The following TBC1D22A variants were observed in gnomAD, a reference collection of about 807,000 sequenced individuals.
TBC1D22A encodes TBC1 domain family member 22A.
TBC1D22A carries 38 observed loss-of-function variants against 60.2 expected under a neutral mutation model. That is an observed-to-expected ratio of 0.63 (90% CI 0.49 to 0.83). The LOEUF (loss-of-function observed/expected upper bound fraction) is 0.83, where lower values mean the gene tolerates loss of function less well. Among genes scored for constraint, TBC1D22A ranks in the 40% least tolerant of loss-of-function variants. The pLI, the probability that TBC1D22A is intolerant of heterozygous loss-of-function variation, is 0.00. For synonymous variants in TBC1D22A, 302 were observed against 281.7 expected, an observed-to-expected ratio of 1.07 and a Z score of -0.72; for missense variants, 628 against 701.0, an observed-to-expected ratio of 0.90 and a Z score of 1.18.
At chr22:46,812,344 C>G (rs1018805110) in intron 4 of TBC1D22A, among the ~76,000 whole-genome samples, 1 of 152,200 alleles carries the variant, frequency 6.6e-6, no homozygotes, top group African/African-American at 2.4e-5. Flanking sequence ...GTGGGCACAG[C>G]AGGCACAAGG....
intron 1 of TBC1D22A, among the ~76,000 whole-genome samples, chr22:46,779,144 T>C (rs1281565096): frequency 2.0e-5 from 3 of 152,268 alleles, no homozygotes; most frequent in African/African-American, 7.2e-5. Flanking sequence ...CAGTACATAA[T>C]GTATGTGCTA....
At chr22:46,798,471 C>T (rs1601908822) in intron 4 of TBC1D22A, among the ~76,000 whole-genome samples, 1 of 152,262 alleles carries the variant, frequency 6.6e-6, no homozygotes, top group African/African-American at 2.4e-5. Context: ...ACTCTTCCTG[C>T]GCGAGTTGCT....
chr22:46,996,088 G>A (rs1269550678), intron 9 of TBC1D22A, among the ~76,000 whole-genome samples: 2 of 152,206 alleles, frequency 1.3e-5, no homozygotes, highest in Non-Finnish European at 2.9e-5. Flanking sequence ...CCCCTCAGGC[G>A]CACAGGCAGC....
chr22:46,788,536 T>C (rs1036448869), intron 1 of TBC1D22A, among the ~76,000 whole-genome samples: 13 of 152,182 alleles, frequency 8.5e-5, no homozygotes, highest in African/African-American at 3.1e-4. Flanking sequence ...TCTGTGTGTT[T>C]CATTCCTTTG....
At chr22:47,087,939 G>A (rs1353341690) in intron 11 of TBC1D22A, among the ~76,000 whole-genome samples, 2 of 152,094 alleles carry the variant, frequency 1.3e-5, no homozygotes, top group African/African-American at 4.8e-5. Flanking sequence ...CAGGCGTGGT[G>A]GCGGGCGCCT....
At chr22:46,952,071 G>C (rs1217427520) in intron 8 of TBC1D22A, among the ~76,000 whole-genome samples, 1 of 152,232 alleles carries the variant, frequency 6.6e-6, no homozygotes, top group African/African-American at 2.4e-5. Context: ...GTCCACAGGG[G>C]GACAGATTGT....
At chr22:46,876,754 T>A (rs1307895694) in intron 4 of TBC1D22A, among the ~76,000 whole-genome samples, 1 of 152,216 alleles carries the variant, frequency 6.6e-6, no homozygotes, top group African/African-American at 2.4e-5. Flanking sequence ...TCTGCGGGGC[T>A]CCAACTAGGC....
chr22:46,975,867 T>C (rs190635735), intron 9 of TBC1D22A, among the ~76,000 whole-genome samples: 6 of 152,210 alleles, frequency 3.9e-5, no homozygotes, highest in African/African-American at 1.4e-4. Flanking sequence ...AAGCCTGTTG[T>C]GCGGTTGGAG....
chr22:46,838,786 A>T, intron 4 of TBC1D22A, among the ~76,000 whole-genome samples: 1 of 152,228 alleles, frequency 6.6e-6, no homozygotes, highest in Non-Finnish European at 1.5e-5. Context: ...GTATCACATT[A>T]ATAGAATGAA....
At chr22:46,784,281 T>G (rs185543785) in intron 1 of TBC1D22A, among the ~76,000 whole-genome samples, 1 of 152,248 alleles carries the variant, frequency 6.6e-6, no homozygotes, top group Admixed American at 6.5e-5. Context: ...TGGTCTCAAG[T>G]GATCCGCCTG....
chr22:47,108,830 G>A (rs910556733), intron 11 of TBC1D22A, among the ~76,000 whole-genome samples: 2 of 152,142 alleles, frequency 1.3e-5, no homozygotes, highest in African/African-American at 4.8e-5. Context: ...CGAGTAGCTG[G>A]GACTACAGGC....
At chr22:47,135,245 C>T (rs1163644487) in intron 12 of TBC1D22A, among the ~76,000 whole-genome samples, 1 of 152,230 alleles carries the variant, frequency 6.6e-6, no homozygotes, top group Non-Finnish European at 1.5e-5. Flanking sequence ...TTCCCGTCAT[C>T]CCAGTTAATC....
chr22:47,169,762 A>G (rs928629092), intron 12 of TBC1D22A, among the ~76,000 whole-genome samples: 1 of 152,230 alleles, frequency 6.6e-6, no homozygotes, highest in Non-Finnish European at 1.5e-5. Flanking sequence ...CTACAGCATC[A>G]GTGTGATGAG....
intron 9 of TBC1D22A, among the ~76,000 whole-genome samples, chr22:46,981,818 A>G (rs2074523212): frequency 6.6e-6 from 1 of 152,236 alleles, no homozygotes; most frequent in Non-Finnish European, 1.5e-5. Context: ...GATCGAGCAG[A>G]TAAGAATTAG....
chr22:46,906,557 C>T (rs1308894876), intron 7 of TBC1D22A, among the ~76,000 whole-genome samples: 1 of 152,194 alleles, frequency 6.6e-6, no homozygotes, highest in Non-Finnish European at 1.5e-5. Flanking sequence ...GAGCACTCAC[C>T]ATGGGTTTCA....
intron 8 of TBC1D22A, among the ~76,000 whole-genome samples, chr22:46,932,108 G>A (rs1338076521): frequency 6.6e-6 from 1 of 152,226 alleles, no homozygotes; most frequent in Non-Finnish European, 1.5e-5. Flanking sequence ...TGTAAGTCCT[G>A]TGCTAGTCAG....
At chr22:46,945,708 C>T (rs1270848778) in intron 8 of TBC1D22A, among the ~76,000 whole-genome samples, 1 of 152,202 alleles carries the variant, frequency 6.6e-6, no homozygotes, top group Non-Finnish European at 1.5e-5. Context: ...AGGGTTCCCC[C>T]CTGGTTACCC....
At chr22:47,135,371 G>C (rs979052069) in intron 12 of TBC1D22A, among the ~76,000 whole-genome samples, 1 of 152,238 alleles carries the variant, frequency 6.6e-6, no homozygotes, top group Admixed American at 6.5e-5. Flanking sequence ...TGGGCATGGA[G>C]GTCCCAGGCA....
chr22:46,912,298 A>T (rs929591536), intron 8 of TBC1D22A, 110 bp downstream of exon 8: 1 of 727,750 alleles, frequency 1.4e-6, no homozygotes, highest in Non-Finnish European at 2.2e-6. Flanking sequence ...GTTATTAATG[A>T]TAGGTAATAT....
Sources: gnomAD v4.1 joint callset for allele counts (sites outside exome capture counted in the v4.1 genomes callset) on GRCh38, gnomAD v4.1.1 for gene constraint, MANE v1.5 for transcripts, NCBI Gene and HGNC (gene_info 2026-07-23, HGNC 2026-07-21) for gene names.